CACNA2D1: variants seen among roughly 807,000 people sequenced by gnomAD.
CACNA2D1 encodes voltage-dependent calcium channel subunit alpha-2/delta-1.
A neutral mutation model predicts 171.5 loss-of-function variants in CACNA2D1; 53 were observed. The ratio of observed to expected loss-of-function variants is 0.31; its 90% CI spans 0.25 to 0.39. The LOEUF is 0.39. CACNA2D1 is among the 10% of genes least tolerant of loss of function. The pLI, the probability that CACNA2D1 is intolerant of heterozygous loss-of-function variation, is 1.00. For missense variants in CACNA2D1, 903 were observed against 1,299.8 expected, an observed-to-expected ratio of 0.69 and a Z score of 4.69; for synonymous variants, 442 against 443.1, an observed-to-expected ratio of 1.00 and a Z score of 0.03.
rs542746332 is a variant in CACNA2D1 at position 82,176,115 on chromosome 7, A to T, written c.295-5506T>A. 5.3e-4 allele frequency among the ~76,000 whole-genome samples: 81 copies of T among 152,152 alleles called. No homozygotes were observed. The Middle Eastern group carries it at 0.02, about 38-fold the overall frequency. The stretch of plus-strand genomic sequence containing the variant: ...CACAAATAGAATAAGAAAGCAGAGA[A>T]GATCATTGTGTTCTGCCTGTGACAC... On this transcript the variant is annotated intron_variant, in intron 3 of 38. Coordinates refer to ENST00000356860, the MANE Select transcript of CACNA2D1 (RefSeq NM_000722.4).
chr7:82,008,280 T>C (rs1799351397), intron 15 of CACNA2D1, among the ~76,000 whole-genome samples: 1 of 152,146 alleles, frequency 6.6e-6, no homozygotes, highest in South Asian at 2.1e-4. Context: ...ATACTGCATA[T>C]CTGGGATATT....
At chr7:81,960,838 C>T (rs1443605940) in intron 36 of CACNA2D1, among the ~76,000 whole-genome samples, 1 of 151,980 alleles carries the variant, frequency 6.6e-6, no homozygotes, top group Non-Finnish European at 1.5e-5. Context: ...AAGTCCATAG[C>T]CTGATATGCT....
At chr7:82,115,846 C>A (rs996447077) in intron 6 of CACNA2D1, among the ~76,000 whole-genome samples, 2 of 151,976 alleles carry the variant, frequency 1.3e-5, no homozygotes, top group South Asian at 4.1e-4. Context: ...ATAGCACTTA[C>A]TATGAGCCTG....
intron 5 of CACNA2D1, among the ~76,000 whole-genome samples, chr7:82,134,056 G>A (rs1350305038): frequency 6.6e-6 from 1 of 151,536 alleles, no homozygotes; most frequent in South Asian, 2.1e-4. Flanking sequence ...CTGGGCGACA[G>A]AGCGAGAGTC....
chr7:82,429,411 C>A (rs992138918), intron 1 of CACNA2D1, among the ~76,000 whole-genome samples: 2 of 152,000 alleles, frequency 1.3e-5, no homozygotes, highest in African/African-American at 2.4e-5. Context: ...AAAAAAAAAT[C>A]GATTCTGAGT....
chr7:82,050,232 A>C (rs1305666082), intron 10 of CACNA2D1: 1 of 226,564 alleles, frequency 4.4e-6, no homozygotes, highest in Non-Finnish European at 8.8e-6. Context: ...GTGTTAAACA[A>C]TCAAGTCAGG....
chr7:82,256,028 G>A (rs1277758518), intron 3 of CACNA2D1, among the ~76,000 whole-genome samples: 1 of 152,162 alleles, frequency 6.6e-6, no homozygotes, highest in East Asian at 1.9e-4. Context: ...TGTAATCCCA[G>A]CATTTTGAGA....
intron 3 of CACNA2D1, among the ~76,000 whole-genome samples, chr7:82,255,747 T>C (rs974026144): frequency 6.6e-6 from 1 of 152,224 alleles, no homozygotes; most frequent in Non-Finnish European, 1.5e-5. Flanking sequence ...TCTTTAGAGG[T>C]AATGCTTGAT....
intron 9 of CACNA2D1, among the ~76,000 whole-genome samples, chr7:82,063,743 A>G (rs2367904): frequency 1 from 151,647 of 152,260 alleles, 75,522 homozygotes; most frequent in South Asian, 1. Flanking sequence ...ATTAGAAAAC[A>G]TGTACACTTG....
chr7:82,247,478 C>T (rs1025217479), intron 3 of CACNA2D1, among the ~76,000 whole-genome samples: 3 of 151,658 alleles, frequency 2.0e-5, no homozygotes, highest in African/African-American at 7.3e-5. Context: ...CCCCTGGACT[C>T]CAGCAAAAGA....
chr7:82,315,222 G>A (rs1026801248), intron 3 of CACNA2D1, among the ~76,000 whole-genome samples: 3 of 152,060 alleles, frequency 2.0e-5, no homozygotes, highest in African/African-American at 7.2e-5. Context: ...GAAGTAGGGA[G>A]AAAGGAGCAT....
intron 25 of CACNA2D1, among the ~76,000 whole-genome samples, chr7:81,973,050 TAC>T (rs1400027741): frequency 6.6e-6 from 1 of 152,004 alleles, no homozygotes; most frequent in Non-Finnish European, 1.5e-5. Context: ...AATAAATAGA[TAC>T]AGATATAAAA....
intron 12 of CACNA2D1, among the ~76,000 whole-genome samples, chr7:82,022,052 A>C (rs990345375): frequency 5.9e-5 from 9 of 151,938 alleles, no homozygotes; most frequent in Middle Eastern, 3.2e-3. Flanking sequence ...ACTTAACCTC[A>C]TTTTTCATTC....
intron 3 of CACNA2D1, among the ~76,000 whole-genome samples, chr7:82,291,570 T>C (rs2129399778): frequency 7.0e-6 from 1 of 141,896 alleles, no homozygotes; most frequent in African/African-American, 2.6e-5. Flanking sequence ...TATATATTTA[T>C]ATTTATATAT....
In CACNA2D1 at chr7:81,959,979, A is replaced by G. The variant is rs529015272; in HGVS notation, c.2967-150T>C. Reference sequence around the variant, plus strand: ...AGCACAATAGGAGTATGATTTTAGAAGAAAAAAATGCTTCATTTATTAGCA... The same window carrying G: ...AGCACAATAGGAGTATGATTTTAGAGGAAAAAAATGCTTCATTTATTAGCA... On this transcript the variant is annotated intron_variant, in intron 36 of 38. Coordinates refer to ENST00000356860, the MANE Select transcript of CACNA2D1 (RefSeq NM_000722.4). The G allele has an allele frequency of 1.1e-4, 142 of 1,260,882 alleles. No homozygotes were observed. In the African/African-American group the frequency reaches 1.9e-3, roughly 17 times the overall value. 78.1% of individuals were successfully genotyped at this position (1,260,882 alleles called of 1,614,324 possible).
At chr7:82,139,244 A>G (rs1453159757) in intron 4 of CACNA2D1, among the ~76,000 whole-genome samples, 1 of 152,202 alleles carries the variant, frequency 6.6e-6, no homozygotes, top group Non-Finnish European at 1.5e-5. Flanking sequence ...TGTATTTCCT[A>G]GTAATAAAAT....
At chr7:82,160,692 T>C (rs1431357446) in intron 4 of CACNA2D1, among the ~76,000 whole-genome samples, 1 of 151,998 alleles carries the variant, frequency 6.6e-6, no homozygotes, top group East Asian at 1.9e-4. Flanking sequence ...CAGGCTAATC[T>C]TGAAATCCTG....
intron 3 of CACNA2D1, among the ~76,000 whole-genome samples, chr7:82,231,459 C>G (rs1403515540): frequency 2.0e-5 from 3 of 152,142 alleles, no homozygotes; most frequent in African/African-American, 7.2e-5. Context: ...AGCTGACATT[C>G]ACCATTCACA....
chr7:82,116,177 C>A (rs1201628739), intron 6 of CACNA2D1, among the ~76,000 whole-genome samples: 1 of 152,054 alleles, frequency 6.6e-6, no homozygotes, highest in Non-Finnish European at 1.5e-5. Flanking sequence ...GAACGAGGTG[C>A]AGGATGGGGT....
Sources: allele counts gnomAD v4.1 joint callset (sites outside exome capture counted in the v4.1 genomes callset), GRCh38; gene constraint gnomAD v4.1.1; transcripts MANE v1.5; gene names NCBI Gene and HGNC (gene_info 2026-07-23, HGNC 2026-07-21).